DSCAM: variants seen among roughly 807,000 people sequenced by gnomAD.
DSCAM encodes the protein DS cell adhesion molecule.
DSCAM carries 47 observed loss-of-function variants against 217.7 expected under a neutral mutation model. The ratio of observed to expected loss-of-function variants is 0.22; its 90% CI spans 0.17 to 0.28. The LOEUF (loss-of-function observed/expected upper bound fraction) is 0.28. Ranked by LOEUF, DSCAM falls within the 10% of genes least tolerant of loss-of-function variation. DSCAM has a pLI of 1.00. For missense variants in DSCAM, 2,080 were observed against 2,618.3 expected (o/e 0.79, Z 4.49); for synonymous variants, 1,056 against 1,015.3 (o/e 1.04, Z -0.76).
In DSCAM at chr21:40,462,333, C is replaced by T. The variant is rs117019195; in HGVS notation, c.509-93088G>A. On this transcript the variant is annotated intron_variant, in intron 3 of 32. Coordinates refer to ENST00000400454, the MANE Select transcript of DSCAM (RefSeq NM_001389.5). ...TGGGTTAGCAAATCAAATTCTTGGACCCATCTTCTGGCAGCTGGAATAAAA... is the reference window on the plus strand; with the variant it reads ...TGGGTTAGCAAATCAAATTCTTGGATCCATCTTCTGGCAGCTGGAATAAAA... 1.3e-4 allele frequency among the ~76,000 whole-genome samples: 20 copies of T among 152,172 alleles called. No homozygotes were observed. The East Asian group carries it at 3.9e-3, about 29-fold the overall frequency.
At chr21:40,073,124 G>A (rs2089319476) in intron 27 of DSCAM, among the ~76,000 whole-genome samples, 1 of 152,188 alleles carries the variant, frequency 6.6e-6, no homozygotes, top group East Asian at 1.9e-4. Context: ...TTAACTGGAG[G>A]TGCTCTCAGC....
At chr21:40,727,760 TCTGGCC>T (rs1417687793) in intron 1 of DSCAM, among the ~76,000 whole-genome samples, 1 of 152,172 alleles carries the variant, frequency 6.6e-6, no homozygotes, top group Non-Finnish European at 1.5e-5. Context: ...TCAGGCCATC[TCTGGCC>T]TCTGTTCTGA....
rs539808250 is a variant in DSCAM, at chr21:40,092,791, T to G, written c.3850+930A>C. Among the ~76,000 whole-genome samples, 22 of 152,272 alleles carry G rather than the reference T, an allele frequency of 1.4e-4. No homozygotes were observed. In the South Asian group the frequency reaches 4.6e-3, roughly 32 times the overall value. On this transcript the variant is annotated intron_variant, in intron 21 of 32. Coordinates refer to ENST00000400454, the MANE Select transcript of DSCAM (RefSeq NM_001389.5). ...TATCATGACCAAAGAGTGTAATACA[T>G]AAAGTAAGTCCCCCAGTTTATTTCC...
At chr21:40,259,410 T>A (rs1187175093) in intron 11 of DSCAM, among the ~76,000 whole-genome samples, 1 of 151,818 alleles carries the variant, frequency 6.6e-6, no homozygotes, top group Non-Finnish European at 1.5e-5. Flanking sequence ...GAATAAAGAC[T>A]CCACTCTGAG....
chr21:40,304,441 T>G (rs2074049923), intron 9 of DSCAM, among the ~76,000 whole-genome samples: 1 of 152,264 alleles, frequency 6.6e-6, no homozygotes, highest in Non-Finnish European at 1.5e-5. Flanking sequence ...ACGAGGTTGT[T>G]TCACTTTACC....
chr21:40,584,702 C>T (rs1175617494), intron 3 of DSCAM, among the ~76,000 whole-genome samples: 1 of 152,034 alleles, frequency 6.6e-6, no homozygotes, highest in Non-Finnish European at 1.5e-5. Context: ...CCAGGTCCTG[C>T]GGAGGGGGTT....
At chr21:40,391,216 T>C (rs1417410129) in intron 3 of DSCAM, among the ~76,000 whole-genome samples, 3 of 152,230 alleles carry the variant, frequency 2.0e-5, no homozygotes, top group Non-Finnish European at 4.4e-5. Flanking sequence ...GCTGGACTCA[T>C]GGCTGTTAGA....
chr21:40,803,965 C>T (rs911734036), intron 1 of DSCAM, among the ~76,000 whole-genome samples: 1 of 152,138 alleles, frequency 6.6e-6, no homozygotes, highest in African/African-American at 2.4e-5. Context: ...CTACTCAAGC[C>T]TCAGACTCTT....
chr21:40,529,821 T>C (rs1014571642), intron 3 of DSCAM, among the ~76,000 whole-genome samples: 4 of 152,118 alleles, frequency 2.6e-5, no homozygotes, highest in Admixed American at 1.3e-4. Flanking sequence ...CCCTCGGGTA[T>C]CCCTCTTTCT....
intron 8 of DSCAM, among the ~76,000 whole-genome samples, chr21:40,326,117 A>T (rs1230257304): frequency 1.3e-5 from 2 of 152,254 alleles, no homozygotes; most frequent in African/African-American, 4.8e-5. Flanking sequence ...GACAGGGACA[A>T]ACGATACCAG....
chr21:40,532,013 T>G (rs1048217593), intron 3 of DSCAM, among the ~76,000 whole-genome samples: 1 of 152,190 alleles, frequency 6.6e-6, no homozygotes, highest in African/African-American at 2.4e-5. Context: ...CCTCATCATT[T>G]AAGGAGCTGC....
In DSCAM at chr21:40,567,069, C is replaced by T. The variant is rs528873595; in HGVS notation, c.508+125741G>A. On this transcript the variant is annotated intron_variant, in intron 3 of 32. Coordinates refer to ENST00000400454, the MANE Select transcript of DSCAM (RefSeq NM_001389.5). ...CATGTTAAGATGCTCATGGGTCCTC[C>T]CTCCCCAAAAATCAGTGTTACATTT... Among the ~76,000 whole-genome samples, 3 of 152,154 alleles carry T rather than the reference C, an allele frequency of 2.0e-5. No individual in the cohort carries two copies. In the South Asian group the frequency reaches 6.2e-4, roughly 32 times the overall value.
chr21:40,590,897 G>T (rs1230209441), intron 3 of DSCAM, among the ~76,000 whole-genome samples: 3 of 152,080 alleles, frequency 2.0e-5, no homozygotes, highest in Non-Finnish European at 4.4e-5. Context: ...AACTGCCTTA[G>T]TTTGTCCAGG....
At chr21:40,508,734 A>AATAAAT (rs2076228526) in intron 3 of DSCAM, among the ~76,000 whole-genome samples, 2 of 45,838 alleles carry the variant, frequency 4.4e-5, no homozygotes, top group African/African-American at 8.3e-5. Flanking sequence ...ACACCCGGCA[A>AATAAAT]ATATATATAT....
intron 32 of DSCAM, 39 bp from the exon 33 acceptor site, chr21:40,013,425 T>C (rs1484269282): frequency 2.1e-6 from 3 of 1,436,094 alleles, no homozygotes; most frequent in Non-Finnish European, 2.8e-6. Flanking sequence ...GTGTCTTCAT[T>C]TGGTAAACAT....
chr21:40,262,532 C>T (rs1011205806), intron 11 of DSCAM, among the ~76,000 whole-genome samples: 4 of 152,172 alleles, frequency 2.6e-5, no homozygotes, highest in Non-Finnish European at 5.9e-5. Context: ...TAGAATTACT[C>T]CCACTTTCTG....
chr21:40,101,031 C>T (rs567324019), intron 20 of DSCAM, among the ~76,000 whole-genome samples: 26 of 152,156 alleles, frequency 1.7e-4, no homozygotes, highest in East Asian at 3.9e-4. Flanking sequence ...ACGAAGTTGC[C>T]GCCAGGCATG....
intron 10 of DSCAM, among the ~76,000 whole-genome samples, chr21:40,289,883 C>T (rs902490496): frequency 6.6e-6 from 1 of 152,036 alleles, no homozygotes; most frequent in Non-Finnish European, 1.5e-5. Context: ...TAGATGAAGA[C>T]TGTGAATAAA....
chr21:40,487,851 C>A (rs1295131456), intron 3 of DSCAM, among the ~76,000 whole-genome samples: 4 of 152,090 alleles, frequency 2.6e-5, no homozygotes. Flanking sequence ...AGATAAGGAG[C>A]ACAGGAGAGA....
Sources: gnomAD v4.1 joint callset for allele counts (sites outside exome capture counted in the v4.1 genomes callset) on GRCh38, gnomAD v4.1.1 for gene constraint, MANE v1.5 for transcripts, NCBI Gene and HGNC (gene_info 2026-07-23, HGNC 2026-07-21) for gene names.